The following RHOBTB3 variants were observed in gnomAD, a reference collection of about 807,000 sequenced individuals.
RHOBTB3 encodes the protein Rho related BTB domain containing 3.
RHOBTB3 carries 47 observed loss-of-function variants against 67.2 expected under a neutral mutation model. The observed-to-expected ratio is 0.70, with a 90% confidence interval of 0.55 to 0.89. The LOEUF (loss-of-function observed/expected upper bound fraction) is 0.89, where lower values mean the gene tolerates loss of function less well. Among genes scored for constraint, RHOBTB3 ranks in the 40% least tolerant of loss-of-function variants. The pLI is 0.00. For synonymous variants in RHOBTB3, 273 were observed against 274.2 expected, an observed-to-expected ratio of 1.00 and a Z score of 0.04; for missense variants, 631 against 750.0, an observed-to-expected ratio of 0.84 and a Z score of 1.85.
At chr5:95,777,201 T>C (rs1297003878) in intron 8 of RHOBTB3, among the ~76,000 whole-genome samples, 4 of 152,250 alleles carry the variant, frequency 2.6e-5, no homozygotes, top group Non-Finnish European at 2.9e-5. Context: ...CATTCCCTTC[T>C]GGTTTACTTA....
At chr5:95,740,948 A>G (rs575140321) in intron 3 of RHOBTB3, among the ~76,000 whole-genome samples, 7 of 152,214 alleles carry the variant, frequency 4.6e-5, no homozygotes, top group Non-Finnish European at 1.0e-4. Flanking sequence ...AGCATGTATC[A>G]TCTAAGAACA....
Position 95,793,500 on chromosome 5 carries a change from C to T in RHOBTB3, c.*326C>T, listed in dbSNP as rs1407907160. The T allele has an allele frequency of 2.2e-5, 4 of 178,368 alleles. No homozygotes were observed. Among genetic ancestry groups the T allele is most frequent in the South Asian group, 1.6e-4 (1 of 6,234 alleles). 11.0% of individuals were successfully genotyped at this position (178,368 alleles called of 1,614,324 possible). ...TGCTTAGATTAAAAAAAAAAAATTACGTAGGATTAATACAGAAATTTAATC... is the reference window on the plus strand; with the variant it reads ...TGCTTAGATTAAAAAAAAAAAATTATGTAGGATTAATACAGAAATTTAATC... On this transcript the variant is annotated 3_prime_UTR_variant, in exon 12 of 12. Transcript: ENST00000379982.
Position 95,731,492 on chromosome 5 carries a change from G to A in RHOBTB3, c.-191G>A. The A allele has an allele frequency of 1.6e-6, 2 of 1,240,592 alleles. No homozygotes were observed. The highest frequency in any genetic ancestry group is 3.0e-4 in the Middle Eastern group (1 of 3,304). 76.8% of individuals were successfully genotyped at this position (1,240,592 alleles called of 1,614,324 possible). The stretch of plus-strand genomic sequence containing the variant: ...TATCCCCCGCCCGCTAGCCCGCCCT[G>A]GTCCCCGGCTCGCTCGCTGGCTGGC... On this transcript the variant is annotated 5_prime_UTR_variant, in exon 1 of 12. Transcript: ENST00000379982.
chr5:95,773,949 A>C (rs1027517326), intron 8 of RHOBTB3, among the ~76,000 whole-genome samples: 27 of 152,330 alleles, frequency 1.8e-4, no homozygotes, highest in Middle Eastern at 3.4e-3. Flanking sequence ...TAAGCAGATG[A>C]CTCAGCAAAT....
intron 7 of RHOBTB3, among the ~76,000 whole-genome samples, chr5:95,765,947 C>T (rs1217359763): frequency 6.6e-6 from 1 of 152,208 alleles, no homozygotes; most frequent in Non-Finnish European, 1.5e-5. Flanking sequence ...CAGGCATGAG[C>T]CACCGTGCCC....
At chr5:95,730,914 A>C (rs1398980830), upstream of RHOBTB3, 8 of 457,744 alleles carry the variant, frequency 1.7e-5, no homozygotes. Flanking sequence ...ACTTTCGGTC[A>C]AGGCCAAGAG....
chr5:95,732,611 T>G lies in RHOBTB3; in HGVS notation c.228+527T>G, dbSNP rs528541295. 40 of 159,984 alleles carry G rather than the reference T, an allele frequency of 2.5e-4. No homozygotes were observed. The South Asian group carries it at 8.0e-3, about 32-fold the overall frequency. The allele number at this position is 159,984 out of a possible 1,614,324, so 9.9% of individuals were successfully genotyped here. A position where few individuals can be genotyped will look rare whatever the true frequency, so the allele number is the denominator to read the frequency against. On this transcript the variant is annotated intron_variant, in intron 2 of 11. Transcript: ENST00000379982. ...ACTCATTTATAGCACTATTAATTGA[T>G]CTCTGAAAACTTAATTTTAATAATG...
At chr5:95,770,526 G>A in intron 8 of RHOBTB3, 1 of 360,338 alleles carries the variant, frequency 2.8e-6, no homozygotes, top group Non-Finnish European at 5.7e-6. Context: ...GCTATGGTTG[G>A]GGGTTTTGTG....
At chr5:95,767,957 T>G in intron 7 of RHOBTB3, 89 bp from the exon 8 acceptor site, 2 of 1,204,508 alleles carry the variant, frequency 1.7e-6, no homozygotes, top group Admixed American at 1.7e-5. Flanking sequence ...TTTTGAGATT[T>G]AGCATAATTT....
At position 95,747,705 on chromosome 5, in the gene RHOBTB3, T is replaced by G. The variant is rs181403785; in HGVS notation, c.416-628T>G. On this transcript the variant is annotated intron_variant, in intron 3 of 11. Transcript: ENST00000379982. ...CTTTTTATTTCTTCAGTTTTTAATTTTTTAATCTTAAAGAAAAAGATAAAG... is the reference window on the plus strand; with the variant it reads ...CTTTTTATTTCTTCAGTTTTTAATTGTTTAATCTTAAAGAAAAAGATAAAG... 2.0e-3 allele frequency among the ~76,000 whole-genome samples: 302 copies of G among 152,368 alleles called. 2 individuals are homozygous for G. Among genetic ancestry groups the G allele is most frequent in the African/African-American group, 6.8e-3 (281 of 41,580 alleles).
chr5:95,771,918 G>C (rs895173364), intron 8 of RHOBTB3, among the ~76,000 whole-genome samples: 1 of 151,450 alleles, frequency 6.6e-6, no homozygotes, highest in African/African-American at 2.4e-5. Flanking sequence ...AAATATGATT[G>C]GTAAATTAAA....
At chr5:95,782,221 A>C (rs556714951) in intron 9 of RHOBTB3, 10 of 152,326 alleles carry the variant, frequency 6.6e-5, no homozygotes, top group African/African-American at 2.4e-4. Flanking sequence ...TTATTATGTT[A>C]AATATTCACC....
chr5:95,771,605 C>T (rs1033726097), intron 8 of RHOBTB3, among the ~76,000 whole-genome samples: 3 of 152,126 alleles, frequency 2.0e-5, no homozygotes, highest in African/African-American at 4.8e-5. Context: ...GGCTCTAAGC[C>T]CCTTATATGA....
chr5:95,761,563 G>A (rs995726376), intron 6 of RHOBTB3, among the ~76,000 whole-genome samples: 4 of 152,118 alleles, frequency 2.6e-5, no homozygotes, highest in Non-Finnish European at 2.9e-5. Context: ...GGCTGGTCTC[G>A]AACTCAGTGG....
chr5:95,728,124 G>A (rs1011856813), upstream of RHOBTB3, among the ~76,000 whole-genome samples: 15 of 152,304 alleles, frequency 9.8e-5, no homozygotes, highest in South Asian at 2.1e-4. Flanking sequence ...GTTGAGAAAC[G>A]TCATTTAGCT....
intron 1 of RHOBTB3, among the ~76,000 whole-genome samples, chr5:95,725,623 G>A (rs1361593483): frequency 6.6e-6 from 1 of 152,042 alleles, no homozygotes; most frequent in East Asian, 1.9e-4. Context: ...GTGTTGTATT[G>A]CACAACAAAA....
intron 8 of RHOBTB3, among the ~76,000 whole-genome samples, chr5:95,773,534 G>A (rs746374900): frequency 2.6e-5 from 4 of 152,210 alleles, no homozygotes; most frequent in Non-Finnish European, 5.9e-5. Flanking sequence ...GTCTTGACCA[G>A]TGTGTCTGTG....
At chr5:95,731,253 C>A, upstream of RHOBTB3, 8 of 1,004,862 alleles carry the variant, frequency 8.0e-6, no homozygotes, top group Non-Finnish European at 8.3e-6. Flanking sequence ...GCACGTGCTG[C>A]GCCCGGTCCG....
intron 2 of RHOBTB3, among the ~76,000 whole-genome samples, chr5:95,733,685 A>T (rs1435460386): frequency 1.3e-5 from 2 of 152,178 alleles, no homozygotes; most frequent in African/African-American, 4.8e-5. Flanking sequence ...CCAAGTTTGT[A>T]ACCAGGTACA....
Sources: allele counts gnomAD v4.1 joint callset (sites outside exome capture counted in the v4.1 genomes callset), GRCh38; gene constraint gnomAD v4.1.1; transcripts MANE v1.5; gene names NCBI Gene and HGNC (gene_info 2026-07-23, HGNC 2026-07-21).